STRN4: variants seen among roughly 807,000 people sequenced by gnomAD.
The protein encoded by STRN4 is striatin-4.
Under a neutral mutation model 77.9 loss-of-function variants are expected in STRN4, and 27 were observed. That is an observed-to-expected ratio of 0.35 (90% CI 0.26 to 0.48). The LOEUF (loss-of-function observed/expected upper bound fraction) is 0.48. STRN4 is among the 20% of genes least tolerant of loss of function. The pLI is 0.99. For missense variants in STRN4, 798 were observed against 1,049.7 expected (o/e 0.76, Z 3.31); for synonymous variants, 466 against 443.1 (o/e 1.05, Z -0.65).
chr19:46,727,772 G>T, intron 8 of STRN4, 122 bp downstream of exon 8: 1 of 932,930 alleles, frequency 1.1e-6, no homozygotes, highest in Non-Finnish European at 1.6e-6. Context: ...TTTTGGGGCA[G>T]GGAGGCTGCA....
chr19:46,725,661 G>A lies in STRN4; in HGVS notation c.1249-13C>T. 1 of 1,612,426 alleles carries A rather than the reference G, an allele frequency of 6.2e-7. No homozygotes were observed. Among genetic ancestry groups the A allele is most frequent in the Non-Finnish European group, 8.5e-7 (1 of 1,178,832 alleles). On this transcript the variant is annotated splice_polypyrimidine_tract_variant and intron_variant, in intron 9 of 17. Transcript: ENST00000263280. ...TGCTGTCAGACAGCTGGGGTTGGGG[G>A]GAGCTGCCTCAGTGTCTTCGCATCC...
rs183756019 is a variant in STRN4 at position 46,735,836 on chromosome 19, C to T, written c.539+987G>A. ...AAAATTAGCTAGGCATGGTGGTGCACGCCTGTAATCCCAGCTACTAGGGAG... is the reference window on the plus strand; with the variant it reads ...AAAATTAGCTAGGCATGGTGGTGCATGCCTGTAATCCCAGCTACTAGGGAG... On this transcript the variant is annotated intron_variant, in intron 4 of 17. Coordinates refer to ENST00000263280, the MANE Select transcript of STRN4 (RefSeq NM_013403.3). Among the ~76,000 whole-genome samples, 11 of 151,464 alleles carry T rather than the reference C, an allele frequency of 7.3e-5. No homozygotes were observed. In the East Asian group the frequency reaches 2.0e-3, roughly 27 times the overall value.
intron 9 of STRN4, chr19:46,726,326 G>A (rs145743199): frequency 0.015 from 2,302 of 152,430 alleles, 32 homozygotes; most frequent in Non-Finnish European, 0.024. Context: ...TGCCACCCCT[G>A]AGAGGCTCAG....
At chr19:46,728,460 G>C in intron 7 of STRN4, 158 bp downstream of exon 7, 1 of 1,023,604 alleles carries the variant, frequency 9.8e-7, no homozygotes, top group Non-Finnish European at 1.4e-6. Context: ...CGGCGGCCAT[G>C]ACCTGGGCCT....
intron 4 of STRN4, among the ~76,000 whole-genome samples, chr19:46,736,610 G>A (rs1468695308): frequency 2.0e-5 from 3 of 148,794 alleles, no homozygotes; most frequent in Non-Finnish European, 4.4e-5. Context: ...TCCAACAGGG[G>A]TGTCCCCACG....
chr19:46,720,519 G>A lies in STRN4; in HGVS notation c.*66+17C>T, dbSNP rs2053952203. The A allele has an allele frequency of 2.6e-5, 37 of 1,420,678 alleles. No homozygotes were observed. In the South Asian group the frequency reaches 3.1e-4, roughly 12 times the overall value. 88.0% of individuals were successfully genotyped at this position (1,420,678 alleles called of 1,614,324 possible). On this transcript the variant is annotated intron_variant, in intron 17 of 17. Coordinates refer to ENST00000263280, the MANE Select transcript of STRN4 (RefSeq NM_013403.3). Reference sequence around the variant, plus strand: ...ATGGGCGTGCAGAGACTCAGAATGCGGGGTTTCTGCCCTCACCTCAGCCCC... The same window carrying A: ...ATGGGCGTGCAGAGACTCAGAATGCAGGGTTTCTGCCCTCACCTCAGCCCC...
intron 1 of STRN4, among the ~76,000 whole-genome samples, chr19:46,743,450 G>C (rs1315233158): frequency 6.6e-6 from 1 of 152,200 alleles, no homozygotes; most frequent in African/African-American, 2.4e-5. Context: ...GGTGTGGTGG[G>C]TGCTGTGCGG....
At position 46,723,147 on chromosome 19, in the gene STRN4, GGCT is replaced by G. The variant is rs768572750; in HGVS notation, c.1729_1731del (p.Ser577del). ...GTGGGGAAGGTGCAGAGGCAGGCCG[GGCT>G]GCTGCTGCTGGGGTCCCAGATGCGG... is the stretch of plus-strand genomic sequence containing the variant. On this transcript the variant is annotated inframe_deletion, in exon 13 of 18. Transcript: ENST00000263280. The surrounding 1 kb of genome is among the most constrained non-coding windows in gnomAD (Gnocchi z 5.5). 1.2e-5 allele frequency: 19 copies of G among 1,566,868 alleles called. No individual in the cohort carries two copies. Among genetic ancestry groups the G allele is most frequent in the Admixed American group, 5.6e-5 (3 of 53,230 alleles).
chr19:46,727,737 G>C (rs1265980414), intron 8 of STRN4, 157 bp downstream of exon 8: 3 of 771,886 alleles, frequency 3.9e-6, no homozygotes, highest in Non-Finnish European at 6.2e-6. Context: ...GACAAAAAGA[G>C]AGGGAGACAG....
chr19:46,721,840 C>G (rs1304000125), intron 16 of STRN4, 146 bp downstream of exon 16: 14 of 786,738 alleles, frequency 1.8e-5, no homozygotes, highest in South Asian at 8.0e-5. Flanking sequence ...TGTGCTGCCC[C>G]CTATGGTCAC....
intron 14 of STRN4, 65 bp from the exon 15 acceptor site, chr19:46,722,405 C>T: frequency 3.3e-6 from 5 of 1,529,486 alleles, no homozygotes; most frequent in Non-Finnish European, 3.6e-6. Context: ...AGAACAGAGG[C>T]ACAAGCGCAG....
intron 4 of STRN4, among the ~76,000 whole-genome samples, chr19:46,734,810 A>G (rs12709897): frequency 0.66 from 99,734 of 151,818 alleles, 33,337 homozygotes; most frequent in African/African-American, 0.79. Flanking sequence ...GACTACAGGC[A>G]CCCGCCACCA....
chr19:46,728,355 T>C, intron 7 of STRN4: 2 of 590,772 alleles, frequency 3.4e-6, no homozygotes, highest in Non-Finnish European at 6.0e-6. Context: ...CAGCCAGAGC[T>C]GGACGCCCGC....
At chr19:46,725,435 G>A (rs768353107) in intron 10 of STRN4, 38 bp downstream of exon 10, 1 of 1,613,720 alleles carries the variant, frequency 6.2e-7, no homozygotes, top group Non-Finnish European at 8.5e-7. Context: ...CCCGTCCCCA[G>A]ATGCCCCTGC....
chr19:46,727,739 G>A (rs1420773289), intron 8 of STRN4, 155 bp downstream of exon 8: 1 of 778,458 alleles, frequency 1.3e-6, no homozygotes, highest in Non-Finnish European at 2.0e-6. Context: ...CAAAAAGAGA[G>A]GGAGACAGAC....
At chr19:46,724,498 G>A (rs1274354074) in intron 12 of STRN4, among the ~76,000 whole-genome samples, 3 of 152,208 alleles carry the variant, frequency 2.0e-5, no homozygotes, top group Non-Finnish European at 4.4e-5. Context: ...AGGCTGCCAG[G>A]GCCAGCCACG....
chr19:46,729,094 T>C (rs760869118), intron 6 of STRN4, among the ~76,000 whole-genome samples: 2 of 152,236 alleles, frequency 1.3e-5, no homozygotes, highest in Non-Finnish European at 2.9e-5. Flanking sequence ...AGGGCAGATA[T>C]GCACTGGTGT....
At position 46,746,332 on chromosome 19, in the gene STRN4, C is replaced by T. The variant is rs896875286; in HGVS notation, c.99G>A (p.Pro33=). 4.4e-4 allele frequency: 570 copies of T among 1,287,848 alleles called. No individual in the cohort carries two copies. The highest frequency in any genetic ancestry group is 5.4e-4 in the Non-Finnish European group (557 of 1,024,284). The allele number at this position is 1,287,848 out of a possible 1,614,324, so 79.8% of individuals were successfully genotyped here. A position where few individuals can be genotyped will look rare whatever the true frequency, so the allele number is the denominator to read the frequency against. The change falls in exon 1 of 18, where the codon CCG becomes CCA. Residue 33 remains proline (P), a synonymous_variant. Coordinates refer to ENST00000263280, the MANE Select transcript of STRN4 (RefSeq NM_013403.3). ...GAGPGPTGAA[P]VSAPAPGPGP... ...CCGGCCCGGGGGCAGGGGCGGAGAC[C>T]GGGGCCGCCCCAGTGGGGCCAGGGC...
In STRN4 at chr19:46,722,373, C is replaced by G. The variant is rs772700300; in HGVS notation, c.1907-33G>C. 21 of 1,602,630 alleles carry G rather than the reference C, an allele frequency of 1.3e-5. No individual in the cohort carries two copies. The South Asian group carries it at 2.2e-4, about 17-fold the overall frequency. On this transcript the variant is annotated intron_variant, in intron 14 of 17. Transcript: ENST00000263280. ...AAAACGCAGGAAGAGGGAAGGATGT[C>G]AAGCAGAAAATCAGGAAGACCAGAA...
Sources: gnomAD v4.1 joint callset for allele counts (sites outside exome capture counted in the v4.1 genomes callset) on GRCh38, gnomAD v4.1.1 for gene constraint, Gnocchi (gnomAD v3.1) non-coding constraint, MANE v1.5 for transcripts, NCBI Gene and HGNC (gene_info 2026-07-23, HGNC 2026-07-21) for gene names.